PRH1: variants seen among roughly 807,000 people sequenced by gnomAD.
PRH1 encodes the protein salivary acidic proline-rich phosphoprotein 1/2.
A neutral mutation model predicts 7.9 loss-of-function variants in PRH1; 7 were observed. The observed-to-expected ratio is 0.89, with a 90% CI of 0.50 to 1.67. The LOEUF is 1.67. Among genes scored for constraint, PRH1 ranks in the 40% most tolerant of loss-of-function variants. The probability of loss-of-function intolerance (pLI) is 0.00; values close to 1 mark genes in which losing one functional copy is unlikely to be tolerated. For synonymous variants in PRH1, 45 were observed against 80.8 expected, an observed-to-expected ratio of 0.56 and a Z score of 2.38; for missense variants, 109 against 223.6, an observed-to-expected ratio of 0.49 and a Z score of 3.27.
chr12:11,133,640 A>C (rs113957436), intron 1 of PRH1: 1 of 1,614,260 alleles, frequency 6.2e-7, no homozygotes, highest in Admixed American at 1.7e-5. Flanking sequence ...ATGTTTACAC[A>C]GAGAACAGAT....
At chr12:10,884,299 T>C (rs1460726208), upstream of PRH1, 4 of 1,590,266 alleles carry the variant, frequency 2.5e-6, no homozygotes, top group East Asian at 4.5e-5. Context: ...AGCAGGACAA[T>C]GGTGCATTTG....
intron 2 of PRH1, among the ~76,000 whole-genome samples, chr12:10,897,968 T>C (rs1949672407): frequency 6.6e-6 from 1 of 152,216 alleles, no homozygotes; most frequent in African/African-American, 2.4e-5. Context: ...TATGCAGCAA[T>C]AGAGCATCAG....
chr12:10,901,787 C>A (rs1299254864), intron 2 of PRH1, among the ~76,000 whole-genome samples: 1 of 148,950 alleles, frequency 6.7e-6, no homozygotes, highest in African/African-American at 2.5e-5. Flanking sequence ...TAAAGTCATA[C>A]CTCCTAAGGA....
upstream of PRH1, among the ~76,000 whole-genome samples, chr12:10,888,088 C>G (rs376173760): frequency 3.9e-5 from 6 of 152,260 alleles, no homozygotes; most frequent in African/African-American, 1.4e-4. Context: ...CATTCCTTGG[C>G]CTTCTTCCAT....
At chr12:11,046,867 G>C (rs1942918551) in intron 1 of PRH1, 6 of 302,278 alleles carry the variant, frequency 2.0e-5, no homozygotes, top group Non-Finnish European at 4.5e-5. Flanking sequence ...TACAGATTCT[G>C]AATTATAGAG....
chr12:11,036,634 T>C (rs182878240), intron 1 of PRH1, among the ~76,000 whole-genome samples: 2 of 152,364 alleles, frequency 1.3e-5, no homozygotes, highest in Admixed American at 6.5e-5. Context: ...CATCCATAAA[T>C]AATTATTTGC....
chr12:10,883,087 T>C lies in PRH1; in HGVS notation c.74A>G (p.Gln25Arg). 2 of 1,613,382 alleles carry C rather than the reference T, an allele frequency of 1.2e-6. No individual in the cohort carries two copies. Among genetic ancestry groups the C allele is most frequent in the Non-Finnish European group, 1.7e-6 (2 of 1,179,298 alleles). ...SAQDLNEDVS[Q>R]EDVPLVISDG... is the part of the protein sequence containing the mutation. ...TGATATTACGAGGGGAACATCTTCC[T>C]GGCTGACATCTAGAAAAGAAGTACA... is the stretch of plus-strand genomic sequence containing the variant. Residue 25 changes from glutamine (Q) to arginine (R), a missense_variant, in exon 2 of 4, where the codon CAG becomes CGG. Gln to Arg is a conservative substitution (Grantham distance 43). This residue lies in a region of PRH1 where 60 missense variants were observed against 76.5 expected (regional missense o/e 0.78). Coordinates refer to ENST00000543626, the MANE Select transcript of PRH1 (RefSeq NM_001393989.1).
chr12:11,133,825 C>T (rs1432877009), intron 1 of PRH1: 3 of 1,614,024 alleles, frequency 1.9e-6, no homozygotes, highest in East Asian at 2.2e-5. Context: ...GATGACAAAC[C>T]AAAAATAGCA....
chr12:11,129,963 T>C (rs1465130412), intron 1 of PRH1, among the ~76,000 whole-genome samples: 6 of 152,024 alleles, frequency 3.9e-5, no homozygotes, highest in Non-Finnish European at 8.8e-5. Flanking sequence ...CCAGCCTGGG[T>C]AACACGGTGA....
At chr12:11,157,720 C>T (rs1199765476) in intron 1 of PRH1, among the ~76,000 whole-genome samples, 1 of 152,112 alleles carries the variant, frequency 6.6e-6, no homozygotes, top group African/African-American at 2.4e-5. Context: ...ATGCAACTTA[C>T]CCACAATAAT....
intron 1 of PRH1, among the ~76,000 whole-genome samples, chr12:11,052,620 A>G (rs1251920183): frequency 6.6e-6 from 1 of 151,990 alleles, no homozygotes; most frequent in Non-Finnish European, 1.5e-5. Context: ...GAACTCTACA[A>G]GTATGTTAGG....
At position 11,110,562 on chromosome 12, in the gene PRH1, T is replaced by C. The variant is rs2597948; in HGVS notation, n.123+60860A>G. On this transcript the variant is annotated intron_variant and non_coding_transcript_variant, in intron 1 of 4. Transcript: ENST00000541977. ...TTTCATAGCAAGCCAAAAAGCTTCA[T>C]AGTTGAAGGAGAAATAAAATCCTTA... Among the ~76,000 whole-genome samples the C allele has an allele frequency of 4.3e-3, 657 of 152,304 alleles. 5 individuals carry two copies. The highest frequency in any genetic ancestry group is 0.015 in the African/African-American group (635 of 41,540).
intron 1 of PRH1, among the ~76,000 whole-genome samples, chr12:11,138,975 G>A (rs1946632494): frequency 6.6e-6 from 1 of 152,168 alleles, no homozygotes. Context: ...GGGTGGCAGA[G>A]GTTGCATTGA....
At chr12:11,022,431 A>C (rs1206435018) in intron 1 of PRH1, 2 of 1,614,166 alleles carry the variant, frequency 1.2e-6, no homozygotes, top group Admixed American at 3.3e-5. Context: ...GAGCAGTGAG[A>C]ATTTGCTCAG....
At chr12:10,909,492 G>A in intron 2 of PRH1, 1 of 508,648 alleles carries the variant, frequency 2.0e-6, no homozygotes, top group Non-Finnish European at 3.5e-6. Flanking sequence ...CTGTTCTGGT[G>A]ATATCTTTAT....
intron 1 of PRH1, among the ~76,000 whole-genome samples, chr12:11,170,612 A>G (rs61928618): frequency 0.24 from 36,320 of 152,182 alleles, 4,371 homozygotes; most frequent in Non-Finnish European, 0.25. Context: ...GAGCCTAGCC[A>G]CAGGTTTCAC....
chr12:11,144,148 C>A lies in PRH1; in HGVS notation n.40-22968G>T, dbSNP rs374450625. Among the ~76,000 whole-genome samples the A allele has an allele frequency of 9.9e-5, 15 of 152,248 alleles. No homozygotes were observed. In the East Asian group the frequency reaches 1.9e-3, roughly 20 times the overall value. The stretch of plus-strand genomic sequence containing the variant: ...ACTGGCAGTGGGTGTGGCCCTAGAT[C>A]TCCCAGAATTATATACCCTTTGTCT... On this transcript the variant is annotated intron_variant and non_coding_transcript_variant, in intron 1 of 1. Coordinates refer to the PRH1 transcript ENST00000541175.
chr12:11,020,362 C>A (rs1457382429), intron 1 of PRH1, among the ~76,000 whole-genome samples: 6 of 130,458 alleles, frequency 4.6e-5, no homozygotes, highest in African/African-American at 1.2e-4. Context: ...GTATGATAAG[C>A]GATATATATA....
At chr12:10,896,760 CA>C (rs56317340) in intron 2 of PRH1, 111 of 108,974 alleles carry the variant, frequency 1.0e-3, no homozygotes, top group Middle Eastern at 4.7e-3. Context: ...AGATCCGTCT[CA>C]AAAAAAAAAA....
Sources: gnomAD v4.1 joint callset for allele counts (sites outside exome capture counted in the v4.1 genomes callset) on GRCh38, gnomAD v4.1.1 for gene constraint, gnomAD v4.1.1 regional missense constraint, MANE v1.5 for transcripts, NCBI Gene and HGNC (gene_info 2026-07-23, HGNC 2026-07-21) for gene names.